The following TAS2R1 variants were observed in gnomAD, a reference collection of about 807,000 sequenced individuals.
The protein encoded by TAS2R1 is taste receptor type 2 member 1.
For synonymous variants in TAS2R1, 141 were observed against 134.2 expected (o/e 1.05, Z -0.35); for missense variants, 370 against 353.4 (o/e 1.05, Z -0.38).
the TAS2R1 span, among the ~76,000 whole-genome samples, chr5:9,767,259 A>G: frequency 6.6e-6 from 1 of 151,424 alleles, no homozygotes; most frequent in Non-Finnish European, 1.5e-5. Flanking sequence ...TGCATCCTTC[A>G]TTTCTCTCTC....
the TAS2R1 span, among the ~76,000 whole-genome samples, chr5:9,858,001 G>A: frequency 1.3e-5 from 2 of 152,144 alleles, no homozygotes; most frequent in African/African-American, 4.8e-5. Context: ...GGCTGGGGTG[G>A]GCATGAAGTC....
At chr5:9,735,113 C>T in the TAS2R1 span, among the ~76,000 whole-genome samples, 1 of 151,162 alleles carries the variant, frequency 6.6e-6, no homozygotes, top group African/African-American at 2.5e-5. Context: ...GGGGGAAGTG[C>T]CACACACTTT....
At chr5:9,673,475 T>G (rs996266188) in intron 1 of TAS2R1, among the ~76,000 whole-genome samples, 19 of 152,102 alleles carry the variant, frequency 1.2e-4, no homozygotes, top group Non-Finnish European at 4.4e-5. Context: ...CTAATAAATG[T>G]TATAAAATCA....
intron 2 of TAS2R1, among the ~76,000 whole-genome samples, chr5:9,659,168 G>A (rs1740478082): frequency 6.6e-6 from 1 of 152,110 alleles, no homozygotes; most frequent in Admixed American, 6.5e-5. Flanking sequence ...AAAACCAGTT[G>A]GTGGACTCTC....
intron 2 of TAS2R1, among the ~76,000 whole-genome samples, chr5:9,654,855 C>T (rs921343172): frequency 3.3e-5 from 5 of 152,132 alleles, no homozygotes; most frequent in East Asian, 1.9e-4. Flanking sequence ...CAACTTATTA[C>T]GAAGTTAAAC....
intron 1 of TAS2R1, among the ~76,000 whole-genome samples, chr5:9,677,275 G>C (rs1206473486): frequency 1.3e-5 from 2 of 152,078 alleles, no homozygotes; most frequent in Non-Finnish European, 2.9e-5. Flanking sequence ...GGTGGGAGGA[G>C]GGAGAGGATC....
chr5:9,864,177 C>A, the TAS2R1 span, among the ~76,000 whole-genome samples: 1 of 152,308 alleles, frequency 6.6e-6, no homozygotes, highest in East Asian at 1.9e-4. Context: ...TCTTCTTGAA[C>A]ACACACCTGA....
chr5:9,693,951 T>C (rs997488636), intron 1 of TAS2R1, among the ~76,000 whole-genome samples: 3 of 152,356 alleles, frequency 2.0e-5, no homozygotes, highest in Admixed American at 6.5e-5. Flanking sequence ...TATAACGCAA[T>C]AACCCTCACC....
At chr5:9,799,842 T>C in the TAS2R1 span, among the ~76,000 whole-genome samples, 1 of 152,360 alleles carries the variant, frequency 6.6e-6, no homozygotes, top group African/African-American at 2.4e-5. Flanking sequence ...CATTTTCCTC[T>C]CAATGGCATT....
chr5:9,764,031 T>A, the TAS2R1 span, among the ~76,000 whole-genome samples: 1 of 152,248 alleles, frequency 6.6e-6, no homozygotes, highest in African/African-American at 2.4e-5. Context: ...AATGACCTCC[T>A]ATGCTTTTAT....
At chr5:9,802,706 TC>T in the TAS2R1 span, among the ~76,000 whole-genome samples, 1 of 151,946 alleles carries the variant, frequency 6.6e-6, no homozygotes, top group Non-Finnish European at 1.5e-5. Context: ...ATTGAGACCA[TC>T]CTGGTCAACA....
At chr5:9,800,299 T>C in the TAS2R1 span, among the ~76,000 whole-genome samples, 351 of 152,328 alleles carry the variant, frequency 2.3e-3, 3 homozygotes, top group African/African-American at 7.8e-3. Context: ...TATAATTTCA[T>C]TTGGGTTCAT....
chr5:9,761,654 T>C, the TAS2R1 span, among the ~76,000 whole-genome samples: 7 of 152,240 alleles, frequency 4.6e-5, no homozygotes, highest in Non-Finnish European at 8.8e-5. Context: ...AGGCTTTGAA[T>C]GCCTTTGCTC....
the TAS2R1 span, among the ~76,000 whole-genome samples, chr5:9,789,239 C>A: frequency 6.6e-6 from 1 of 152,126 alleles, no homozygotes; most frequent in Non-Finnish European, 1.5e-5. Context: ...GTAATGACTT[C>A]AAAAGCAAGG....
At chr5:9,666,035 G>A (rs1170924477) in intron 1 of TAS2R1, among the ~76,000 whole-genome samples, 1 of 152,104 alleles carries the variant, frequency 6.6e-6, no homozygotes, top group Non-Finnish European at 1.5e-5. Context: ...ATCAATCAGG[G>A]AGTTGAACTG....
At chr5:9,702,801 G>C (rs1579791669) in intron 1 of TAS2R1, among the ~76,000 whole-genome samples, 2 of 152,038 alleles carry the variant, frequency 1.3e-5, no homozygotes, top group African/African-American at 4.8e-5. Flanking sequence ...CTGGTGGAGA[G>C]AAAGAGAGGA....
the TAS2R1 span, among the ~76,000 whole-genome samples, chr5:9,735,499 T>C: frequency 0.041 from 6,161 of 151,426 alleles, 659 homozygotes; most frequent in African/African-American, 0.14. Flanking sequence ...GTATTTACTA[T>C]GCTATGCTGT....
the TAS2R1 span, among the ~76,000 whole-genome samples, chr5:9,761,596 G>T: frequency 6.6e-6 from 1 of 152,104 alleles, no homozygotes; most frequent in East Asian, 1.9e-4. Context: ...TGTTCCATTT[G>T]TCATTTTCTC....
At chr5:9,891,741 A>G in the TAS2R1 span, among the ~76,000 whole-genome samples, 1 of 152,192 alleles carries the variant, frequency 6.6e-6, no homozygotes, top group African/African-American at 2.4e-5. Context: ...ATATTAGACC[A>G]GGACTCGTAT....
Sources: allele counts gnomAD v4.1 joint callset (sites outside exome capture counted in the v4.1 genomes callset), GRCh38; gene constraint gnomAD v4.1.1; transcripts MANE v1.5; gene names NCBI Gene and HGNC (gene_info 2026-07-23, HGNC 2026-07-21).